Variants in ARHGEF10 observed in about 807,000 individuals in gnomAD.
ARHGEF10 encodes the protein Rho guanine nucleotide exchange factor 10, also known as Rho guanine nucleotide exchange factor (GEF) 10.
Under a neutral mutation model 147.4 loss-of-function variants are expected in ARHGEF10, and 140 were observed. The ratio of observed to expected loss-of-function variants is 0.95; its 90% CI spans 0.83 to 1.09. ARHGEF10 has a LOEUF of 1.09. Ranked by LOEUF, ARHGEF10 falls within the 50% of genes least tolerant of loss-of-function variation. The pLI is 0.00. For missense variants in ARHGEF10, 2,222 were observed against 1,752.7 expected, an observed-to-expected ratio of 1.27 and a Z score of -4.78; for synonymous variants, 902 against 695.8, an observed-to-expected ratio of 1.30 and a Z score of -4.67.
chr8:1,929,323 G>A lies in ARHGEF10; in HGVS notation c.2959G>A (p.Val987Met). 1 of 1,614,118 alleles carries A rather than the reference G, an allele frequency of 6.2e-7. No individual in the cohort carries two copies. The highest frequency in any genetic ancestry group is 1.7e-5 in the Admixed American group (1 of 60,032). The change falls in exon 25 of 29, where the codon GTG (valine) becomes ATG (methionine). Residue 987 changes from valine (V) to methionine (M), a missense_variant. Physicochemically the swap from Val to Met is conservative, Grantham distance 21. Coordinates refer to ENST00000349830, the MANE Select transcript of ARHGEF10 (RefSeq NM_014629.4). ...TAAAAGCAGTCAAGGCTCCAAGAAA[G>A]TGAGACTTCAGCACTTTTTCACTCC... ...IYKSSQGSKK[V>M]RLQHFFTPEK...
At chr8:1,909,108 G>C (rs11994215) in intron 17 of ARHGEF10, among the ~76,000 whole-genome samples, 187 bp from the exon 18 acceptor site, 1 of 152,178 alleles carries the variant, frequency 6.6e-6, no homozygotes, top group South Asian at 2.1e-4. Context: ...CATCCAGTTC[G>C]AGGCCTCTTT....
At position 1,826,021 on chromosome 8, in the gene ARHGEF10, A is replaced by G. The variant is rs1802747449; in HGVS notation, c.-48+1908A>G. On this transcript the variant is annotated intron_variant, in intron 1 of 28. Coordinates refer to ENST00000349830, the MANE Select transcript of ARHGEF10 (RefSeq NM_014629.4). ...ACACGTCATGTATTTTTAAAAACAC[A>G]CTTTGTCCCTGTCTGTCTCTCACAG... 3 of 1,180,904 alleles carry G rather than the reference A, an allele frequency of 2.5e-6. No homozygotes were observed. In the African/African-American group the frequency reaches 4.5e-5, roughly 18 times the overall value. The allele number at this position is 1,180,904 out of a possible 1,614,324, so 73.2% of individuals were successfully genotyped here.
rs1387590090 is a variant in ARHGEF10 at position 1,945,616 on chromosome 8, G to C, written c.3358G>C (p.Asp1120His). ...FHTETLKHLQ[D>H]INIATPVHNM... is the part of the protein sequence containing the mutation. ...CACGGAAACTCTCAAGCACCTGCAG[G>C]ACATCAACATCGCCACCCCTGTTCA... The change falls in exon 27 of 29, where the codon GAC becomes CAC. Residue 1120 changes from aspartate (D) to histidine (H), a missense_variant. By Grantham distance (81) the Asp-to-His change is moderately conservative. Transcript: ENST00000349830. 11 of 1,614,102 alleles carry C rather than the reference G, an allele frequency of 6.8e-6. No individual in the cohort carries two copies. The highest frequency in any genetic ancestry group is 9.3e-6 in the Non-Finnish European group (11 of 1,180,036).
At chr8:1,880,450 C>T (rs541261388) in intron 9 of ARHGEF10, among the ~76,000 whole-genome samples, 4 of 152,294 alleles carry the variant, frequency 2.6e-5, no homozygotes, top group African/African-American at 9.6e-5. Context: ...TTTCCAGAAA[C>T]GCACAATGCC....
chr8:1,864,307 A>T (rs1806395365), intron 4 of ARHGEF10, 66 bp from the exon 5 acceptor site: 1 of 1,507,206 alleles, frequency 6.6e-7, no homozygotes, highest in Admixed American at 1.7e-5. Context: ...TTAAGGGTAA[A>T]AACATCAACT....
rs2272610 is a variant in ARHGEF10, at chr8:1,929,380, A to T, written c.3016A>T (p.Thr1006Ser). The T allele has an allele frequency of 5.3e-5, 86 of 1,613,504 alleles. 2 individuals are homozygous for T. The East Asian group carries it at 1.9e-3, about 36-fold the overall frequency. Reference sequence around the variant, plus strand: ...GTCCACAGTCATGAGCCTGGCTTGCACGTCTCAGAGCCTGTACGCTGGCCT... The same window carrying T: ...GTCCACAGTCATGAGCCTGGCTTGCTCGTCTCAGAGCCTGTACGCTGGCCT... ...EKSTVMSLACTSQSLYAGLVN... is the reference protein window; with the variant it reads ...EKSTVMSLACSSQSLYAGLVN... The change falls in exon 25 of 29, where the codon ACG becomes TCG. Residue 1006 changes from threonine (T) to serine (S), a missense_variant. Transcript: ENST00000349830.
chr8:1,827,452 G>A (rs1802835441), intron 1 of ARHGEF10, among the ~76,000 whole-genome samples: 1 of 152,124 alleles, frequency 6.6e-6, no homozygotes. Context: ...GGGATTATAA[G>A]CACCCACCAC....
At chr8:1,838,931 T>G in intron 1 of ARHGEF10, among the ~76,000 whole-genome samples, 1 of 141,696 alleles carries the variant, frequency 7.1e-6, no homozygotes, top group Middle Eastern at 4.1e-3. Context: ...TGTGGGGCTG[T>G]CTGGTGTGGG....
chr8:1,825,806 C>G (rs576893446), intron 1 of ARHGEF10, among the ~76,000 whole-genome samples: 18 of 152,324 alleles, frequency 1.2e-4, no homozygotes, highest in Middle Eastern at 6.8e-3. Flanking sequence ...TAATTCTTTT[C>G]TCTGGTTAAC....
chr8:1,893,707 A>G, intron 12 of ARHGEF10, 61 bp downstream of exon 12: 1 of 1,299,306 alleles, frequency 7.7e-7, no homozygotes, highest in Non-Finnish European at 1.1e-6. Flanking sequence ...ACCTATATAC[A>G]TTTTGATCCA....
At chr8:1,899,525 A>C (rs549830666) in intron 15 of ARHGEF10, among the ~76,000 whole-genome samples, 1 of 152,214 alleles carries the variant, frequency 6.6e-6, no homozygotes, top group African/African-American at 2.4e-5. Context: ...AACCAAATCC[A>C]TGGCACATTC....
At chr8:1,953,415 G>T (rs916453524) in intron 28 of ARHGEF10, among the ~76,000 whole-genome samples, 15 of 152,174 alleles carry the variant, frequency 9.9e-5, no homozygotes, top group Non-Finnish European at 1.9e-4. Flanking sequence ...GAAGGAAGCC[G>T]GGGATCCGAA....
intron 1 of ARHGEF10, among the ~76,000 whole-genome samples, chr8:1,837,379 A>C (rs1034665986): frequency 6.6e-6 from 1 of 152,258 alleles, no homozygotes; most frequent in Non-Finnish European, 1.5e-5. Flanking sequence ...AGGGCCAGGC[A>C]TAGAAAGGAG....
In ARHGEF10 at chr8:1,882,351, A is replaced by T. The variant is rs368253545; in HGVS notation, c.961-284A>T. 9.8e-4 allele frequency among the ~76,000 whole-genome samples: 149 copies of T among 152,298 alleles called. 1 individual carries two copies. The South Asian group carries it at 0.03, about 30-fold the overall frequency. ...TGACATTTGTGCATGTTAGTGACTC[A>T]CCTGTGACCCCCACGTAGCTCTTTG... On this transcript the variant is annotated intron_variant, in intron 9 of 28. Coordinates refer to ENST00000349830, the MANE Select transcript of ARHGEF10 (RefSeq NM_014629.4).
At chr8:1,935,618 G>C (rs1813529053) in intron 26 of ARHGEF10, among the ~76,000 whole-genome samples, 1 of 152,204 alleles carries the variant, frequency 6.6e-6, no homozygotes, top group African/African-American at 2.4e-5. Context: ...CCTGTTACCA[G>C]TTAGCACTGG....
At chr8:1,907,872 G>A (rs985869921) in intron 17 of ARHGEF10, among the ~76,000 whole-genome samples, 2 of 152,158 alleles carry the variant, frequency 1.3e-5, no homozygotes, top group African/African-American at 2.4e-5. Flanking sequence ...TAGCTCCCAA[G>A]GACCCTTTGG....
At chr8:1,880,490 A>G (rs1187141806) in intron 9 of ARHGEF10, among the ~76,000 whole-genome samples, 3 of 152,166 alleles carry the variant, frequency 2.0e-5, no homozygotes, top group Non-Finnish European at 4.4e-5. Flanking sequence ...AAATACAGCA[A>G]TTTTTCATCA....
intron 21 of ARHGEF10, among the ~76,000 whole-genome samples, chr8:1,924,894 G>A (rs976428723): frequency 1.3e-5 from 2 of 152,178 alleles, no homozygotes; most frequent in African/African-American, 4.8e-5. Flanking sequence ...ATTATACCAT[G>A]TTTTAAAGTT....
rs587777712 is a variant in ARHGEF10 at position 1,882,687 on chromosome 8, G to C, written c.1013G>C (p.Arg338Thr). Reference protein sequence around the residue: ...AKDGTKDGLERTRAAVKRGRS... With the variant: ...AKDGTKDGLETTRAAVKRGRS... ...GACGGCACCAAGGACGGGCTGGAGAGGACCAGGGCAGCCGTGAAGAGGGGC... is the reference window on the plus strand; with the variant it reads ...GACGGCACCAAGGACGGGCTGGAGACGACCAGGGCAGCCGTGAAGAGGGGC... Residue 338 changes from arginine (R) to threonine (T), a missense_variant, in exon 10 of 29, where the codon AGG becomes ACG. Arg to Thr is a moderately conservative substitution (Grantham distance 71). Coordinates refer to ENST00000349830, the MANE Select transcript of ARHGEF10 (RefSeq NM_014629.4). 42 of 1,557,436 alleles carry C rather than the reference G, an allele frequency of 2.7e-5. No homozygotes were observed. The highest frequency in any genetic ancestry group is 3.3e-5 in the Non-Finnish European group (38 of 1,150,020).
Sources: allele counts gnomAD v4.1 joint callset (sites outside exome capture counted in the v4.1 genomes callset), GRCh38; gene constraint gnomAD v4.1.1; transcripts MANE v1.5; gene names NCBI Gene and HGNC (gene_info 2026-07-23, HGNC 2026-07-21).